Variants in ZNF462 observed in about 807,000 individuals in gnomAD.
ZNF462 encodes zinc finger protein 462.
In ZNF462, 10 loss-of-function variants were observed where a neutral mutation model predicts 201.9. The observed-to-expected ratio is 0.05, with a 90% CI of 0.03 to 0.08. The LOEUF is 0.08. Among genes scored for constraint, ZNF462 ranks in the 10% least tolerant of loss-of-function variants. The pLI is 1.00. For missense variants in ZNF462, 2,523 were observed against 3,168.3 expected, an observed-to-expected ratio of 0.80 and a Z score of 4.89; for synonymous variants, 1,227 against 1,193.3, an observed-to-expected ratio of 1.03 and a Z score of -0.58.
Position 106,886,220 on chromosome 9 carries a change from G to A in ZNF462, c.-31+22865G>A, listed in dbSNP as rs946474635. Among the ~76,000 whole-genome samples, 18 of 152,186 alleles carry A rather than the reference G, an allele frequency of 1.2e-4. No individual in the cohort carries two copies. Among genetic ancestry groups the A allele is most frequent in the African/African-American group, 4.3e-4 (18 of 41,432 alleles). On this transcript the variant is annotated intron_variant, in intron 1 of 12. Coordinates refer to ENST00000277225, the MANE Select transcript of ZNF462 (RefSeq NM_021224.6). This position sits in a 1 kb window ranked among gnomAD's most constrained non-coding sequence, Gnocchi z 4.6. The stretch of plus-strand genomic sequence containing the variant: ...AAAGTAGGGGTGGGGTGGTTAAGAA[G>A]GTGGCTGGGATTGTTACCTCACTGG...
At chr9:106,939,822 G>A (rs1476798682) in intron 7 of ZNF462, among the ~76,000 whole-genome samples, 1 of 152,206 alleles carries the variant, frequency 6.6e-6, no homozygotes, top group African/African-American at 2.4e-5. Flanking sequence ...TATAAGACCA[G>A]GAAGCAGACC....
Position 106,993,849 on chromosome 9 carries a change from A to G in ZNF462, c.7056+9440A>G, listed in dbSNP as rs933479741. Among the ~76,000 whole-genome samples, 2 of 152,056 alleles carry G rather than the reference A, an allele frequency of 1.3e-5. No homozygotes were observed. Among genetic ancestry groups the G allele is most frequent in the Non-Finnish European group, 2.9e-5 (2 of 68,018 alleles). ...ATCTTCAAACTCCTAGGCTCAAGCA[A>G]TCCTCCCACCTTGGCTTCCCAAAGT... On this transcript the variant is annotated intron_variant, in intron 10 of 12. Coordinates refer to ENST00000277225, the MANE Select transcript of ZNF462 (RefSeq NM_021224.6). This position sits in a 1 kb window ranked among gnomAD's most constrained non-coding sequence, Gnocchi z 4.0.
rs1829467035 is a variant in ZNF462, at chr9:107,005,232, A to G, written c.7189+1806A>G. 6.6e-6 allele frequency among the ~76,000 whole-genome samples: 1 copy of G among 152,130 alleles called. No homozygotes were observed. Among genetic ancestry groups the G allele is most frequent in the African/African-American group, 2.4e-5 (1 of 41,428 alleles). On this transcript the variant is annotated intron_variant, in intron 11 of 12. Transcript: ENST00000277225. This position sits in a 1 kb window ranked among gnomAD's most constrained non-coding sequence, Gnocchi z 4.4. ...TTCATTTCCTTTGGATATACCTAGG[A>G]GTGGGATTGCTAGATCAATGTGGTA... is the stretch of plus-strand genomic sequence containing the variant.
Position 106,950,269 on chromosome 9 carries a change from C to G in ZNF462, c.6427+11162C>G, listed in dbSNP as rs965373072. ...ATCCCTATGTAATGTCAGTTTACAC[C>G]TAAGTATTTCAAGGTATTTTCTTAA... On this transcript the variant is annotated intron_variant, in intron 7 of 12. Transcript: ENST00000277225. This position sits in a 1 kb window ranked among gnomAD's most constrained non-coding sequence, Gnocchi z 4.1. Among the ~76,000 whole-genome samples, 15 of 152,108 alleles carry G rather than the reference C, an allele frequency of 9.9e-5. No individual in the cohort carries two copies. The highest frequency in any genetic ancestry group is 3.1e-4 in the African/African-American group (13 of 41,400).
Position 106,972,406 on chromosome 9 carries a change from TC to T in ZNF462, c.6695+136del. 1.5e-6 allele frequency: 2 copies of T among 1,295,148 alleles called. No homozygotes were observed. The highest frequency in any genetic ancestry group is 2.1e-6 in the Non-Finnish European group (2 of 952,044). 80.2% of individuals were successfully genotyped at this position (1,295,148 alleles called of 1,614,324 possible). On this transcript the variant is annotated intron_variant, in intron 8 of 12. Transcript: ENST00000277225. The surrounding 1 kb of genome is among the most constrained non-coding windows in gnomAD (Gnocchi z 4.8). ...CCCATGTGATGATGTAGGGGTTGGGTCCAGGCTTCATGGAAGGAGGGTAGTT... is the reference window on the plus strand; with the variant it reads ...CCCATGTGATGATGTAGGGGTTGGGTCAGGCTTCATGGAAGGAGGGTAGTT...
intron 7 of ZNF462, among the ~76,000 whole-genome samples, chr9:106,939,515 A>C (rs1207643103): frequency 6.6e-6 from 1 of 152,208 alleles, no homozygotes; most frequent in Non-Finnish European, 1.5e-5. Flanking sequence ...ATGTACATTA[A>C]TGACACAAAA....
intron 1 of ZNF462, among the ~76,000 whole-genome samples, chr9:106,867,168 C>T (rs1162890952): frequency 6.6e-6 from 1 of 152,176 alleles, no homozygotes; most frequent in Non-Finnish European, 1.5e-5. Context: ...CCTTCACCAG[C>T]ATGGCAAACA....
chr9:106,969,331 A>G (rs1425614143), intron 7 of ZNF462, among the ~76,000 whole-genome samples: 10 of 152,214 alleles, frequency 6.6e-5, no homozygotes, highest in Non-Finnish European at 1.5e-4. Flanking sequence ...TTTTCCCGTG[A>G]CTTCTTGCAT....
Position 106,962,013 on chromosome 9 carries a change from C to A in ZNF462, c.6428-9992C>A, listed in dbSNP as rs540629745. ...ACAGTGTGGGCAAGGGAGTGAGGAT[C>A]GGCCTGGAAAGATGAAGGAGAGTGT... On this transcript the variant is annotated intron_variant, in intron 7 of 12. Transcript: ENST00000277225. The surrounding 1 kb of genome is among the most constrained non-coding windows in gnomAD (Gnocchi z 4.6). Among the ~76,000 whole-genome samples, 1 of 151,924 alleles carries A rather than the reference C, an allele frequency of 6.6e-6. No homozygotes were observed. The highest frequency in any genetic ancestry group is 1.5e-5 in the Non-Finnish European group (1 of 67,956).
At chr9:106,990,619 T>C (rs1314926404) in intron 10 of ZNF462, among the ~76,000 whole-genome samples, 1 of 151,988 alleles carries the variant, frequency 6.6e-6, no homozygotes, top group African/African-American at 2.4e-5. Context: ...TGTTCTTTAA[T>C]TTTTTTCTCT....
In ZNF462 at chr9:106,927,533, G is replaced by A. The variant is rs138453451; in HGVS notation, c.3621G>A (p.Gly1207=). ...ATTATGGGAACCGGACGGTCAAAGGGGTACTCATTCATTATCAGAAGAAGC... is the reference window on the plus strand; with the variant it reads ...ATTATGGGAACCGGACGGTCAAAGGAGTACTCATTCATTATCAGAAGAAGC... ...HCDYGNRTVK[G]VLIHYQKKHR... The change falls in exon 3 of 13, where the codon GGG becomes GGA. Residue 1207 remains glycine (G), a synonymous_variant. Coordinates refer to ENST00000277225, the MANE Select transcript of ZNF462 (RefSeq NM_021224.6). The A allele has an allele frequency of 3.7e-4, 591 of 1,613,732 alleles. 1 individual carries two copies. Among genetic ancestry groups the A allele is most frequent in the Non-Finnish European group, 4.8e-4 (568 of 1,179,970 alleles).
intron 10 of ZNF462, among the ~76,000 whole-genome samples, chr9:106,991,917 G>A (rs1828309985): frequency 6.6e-6 from 1 of 150,390 alleles, no homozygotes. Context: ...AAATGTGTGA[G>A]CTAAAACTAT....
rs148824453 is a variant in ZNF462 at position 106,929,294 on chromosome 9, C to G, written c.5382C>G (p.Phe1794Leu). The G allele has an allele frequency of 3.1e-4, 502 of 1,614,150 alleles. No individual in the cohort carries two copies. The highest frequency in any genetic ancestry group is 4.9e-4 in the Middle Eastern group (3 of 6,062). The change falls in exon 3 of 13, where the codon TTC (phenylalanine) becomes TTG (leucine). Residue 1794 changes from phenylalanine to leucine, a missense_variant. Around this residue, in one of 15 missense-constraint regions of ZNF462, gnomAD observed 207 missense variants for 231.6 expected, o/e 0.89. Transcript: ENST00000277225. The surrounding 1 kb of genome is among the most constrained non-coding windows in gnomAD (Gnocchi z 8.7). ...ACATGAAACGCCACCCAGGGGTGTT[C>G]CCAAAGAAGCAGCACGCCAGCAAGT... ...SHYMKRHPGVFPKKQHASKLG... is the reference protein window; with the variant it reads ...SHYMKRHPGVLPKKQHASKLG...
rs1587959145 is a variant in ZNF462, at chr9:106,863,212, G to T, written c.-174G>T. 1.3e-5 allele frequency: 5 copies of T among 399,370 alleles called. No homozygotes were observed. In the East Asian group the frequency reaches 1.8e-4, roughly 14 times the overall value. The allele number at this position is 399,370 out of a possible 1,614,324, so 24.7% of individuals were successfully genotyped here. On this transcript the variant is annotated 5_prime_UTR_variant, in exon 1 of 13. Coordinates refer to ENST00000277225, the MANE Select transcript of ZNF462 (RefSeq NM_021224.6). ...GCAGGGAAGATGGCGATCCTCCATT[G>T]CTGAGACCCGGCAGAAGCACATGAG...
At position 106,963,283 on chromosome 9, in the gene ZNF462, T is replaced by C. The variant is rs1831922327; in HGVS notation, c.6428-8722T>C. ...ACAATTTTTTAAATCAGCAGACTTCTTGAGTCTGAGAATCATCTTGATAGC... is the reference window on the plus strand; with the variant it reads ...ACAATTTTTTAAATCAGCAGACTTCCTGAGTCTGAGAATCATCTTGATAGC... On this transcript the variant is annotated intron_variant, in intron 7 of 12. Coordinates refer to ENST00000277225, the MANE Select transcript of ZNF462 (RefSeq NM_021224.6). The surrounding 1 kb of genome is among the most constrained non-coding windows in gnomAD (Gnocchi z 4.7). 6.6e-6 allele frequency among the ~76,000 whole-genome samples: 1 copy of C among 152,126 alleles called. No homozygotes were observed. Among genetic ancestry groups the C allele is most frequent in the African/African-American group, 2.4e-5 (1 of 41,452 alleles).
In ZNF462 at chr9:106,870,295, G is replaced by C. The variant is rs541679922; in HGVS notation, c.-31+6940G>C. Among the ~76,000 whole-genome samples the C allele has an allele frequency of 6.6e-6, 1 of 152,198 alleles. No homozygotes were observed. Among genetic ancestry groups the C allele is most frequent in the South Asian group, 2.1e-4 (1 of 4,820 alleles). ...CATTTTTTCTTGAGTTATTCTTGGA[G>C]GGAAGGTTTTTTTTGTGTGCCAGGT... is the stretch of plus-strand genomic sequence containing the variant. On this transcript the variant is annotated intron_variant, in intron 1 of 12. Transcript: ENST00000277225. The surrounding 1 kb of genome is among the most constrained non-coding windows in gnomAD (Gnocchi z 4.3).
chr9:106,987,003 A>C (rs1056500486), intron 10 of ZNF462, among the ~76,000 whole-genome samples: 1 of 151,900 alleles, frequency 6.6e-6, no homozygotes, highest in African/African-American at 2.4e-5. Context: ...ATAGATAGAT[A>C]GATAGATAGA....
chr9:106,898,530 G>A (rs568958408), intron 1 of ZNF462, among the ~76,000 whole-genome samples: 1 of 152,156 alleles, frequency 6.6e-6, no homozygotes, highest in African/African-American at 2.4e-5. Flanking sequence ...GGGGATGTCA[G>A]GGATACTGCT....
chr9:107,005,716 G>T lies in ZNF462; in HGVS notation c.7189+2290G>T, dbSNP rs2132694717. On this transcript the variant is annotated intron_variant, in intron 11 of 12. Coordinates refer to ENST00000277225, the MANE Select transcript of ZNF462 (RefSeq NM_021224.6). This position sits in a 1 kb window ranked among gnomAD's most constrained non-coding sequence, Gnocchi z 4.4. ...ATTCTGTTTATCTGTTTTTGCTTTT[G>T]TTGCCCATGCTTTTGAGGTCATATC... is the stretch of plus-strand genomic sequence containing the variant. Among the ~76,000 whole-genome samples, 1 of 152,200 alleles carries T rather than the reference G, an allele frequency of 6.6e-6. No individual in the cohort carries two copies. The highest frequency in any genetic ancestry group is 2.1e-4 in the South Asian group (1 of 4,824).
Sources: allele counts gnomAD v4.1 joint callset (sites outside exome capture counted in the v4.1 genomes callset), GRCh38; gene constraint gnomAD v4.1.1; regional missense constraint gnomAD v4.1.1; non-coding constraint Gnocchi (gnomAD v3.1); transcripts MANE v1.5; gene names NCBI Gene and HGNC (gene_info 2026-07-23, HGNC 2026-07-21).